Variants in B4GALT6 observed in about 807,000 individuals in gnomAD.
The protein encoded by B4GALT6 is UDP-Gal:beta-GlcNAc beta-1,4-galactosyltransferase 6.
In B4GALT6, 14 loss-of-function variants were observed where a neutral mutation model predicts 46.3. The ratio of observed to expected loss-of-function variants is 0.30; its 90% CI spans 0.20 to 0.47. The LOEUF (loss-of-function observed/expected upper bound fraction) is 0.47, where lower values mean the gene tolerates loss of function less well. Among genes scored for constraint, B4GALT6 ranks in the 20% least tolerant of loss-of-function variants. The pLI is 0.99. For missense variants in B4GALT6, 386 were observed against 480.1 expected (o/e 0.80, Z 1.83); for synonymous variants, 168 against 162.0 (o/e 1.04, Z -0.28).
At chr18:31,665,698 C>T (rs532703701) in intron 2 of B4GALT6, among the ~76,000 whole-genome samples, 10 of 152,190 alleles carry the variant, frequency 6.6e-5, no homozygotes, top group South Asian at 4.2e-4. Context: ...GCCAAGATTG[C>T]GCCACTGCAC....
chr18:31,709,973 T>C, the B4GALT6 span, among the ~76,000 whole-genome samples: 2 of 151,742 alleles, frequency 1.3e-5, no homozygotes, highest in East Asian at 3.9e-4. Context: ...TGCACGCCTG[T>C]AATCCCAGCT....
At chr18:31,721,610 A>G in the B4GALT6 span, among the ~76,000 whole-genome samples, 1 of 152,218 alleles carries the variant, frequency 6.6e-6, no homozygotes, top group African/African-American at 2.4e-5. Flanking sequence ...TACCCTTGAT[A>G]ATGTCGATAG....
chr18:31,683,739 A>T (rs918994479), intron 1 of B4GALT6, among the ~76,000 whole-genome samples: 1 of 152,160 alleles, frequency 6.6e-6, no homozygotes, highest in African/African-American at 2.4e-5. Flanking sequence ...ACCCAAGCAG[A>T]CTAAAATAAT....
At chr18:31,682,567 G>C (rs1278466927) in intron 1 of B4GALT6, among the ~76,000 whole-genome samples, 1 of 152,068 alleles carries the variant, frequency 6.6e-6, no homozygotes, top group Non-Finnish European at 1.5e-5. Flanking sequence ...TTTCACACAA[G>C]TTGAATTAAG....
intron 1 of B4GALT6, among the ~76,000 whole-genome samples, chr18:31,668,507 C>G (rs562197388): frequency 6.6e-6 from 1 of 152,210 alleles, no homozygotes; most frequent in South Asian, 2.1e-4. Context: ...GGGGGAAAAA[C>G]TTATTCACAC....
chr18:31,669,171 T>C (rs908482915), intron 1 of B4GALT6, among the ~76,000 whole-genome samples: 2 of 152,212 alleles, frequency 1.3e-5, no homozygotes, highest in Admixed American at 1.3e-4. Flanking sequence ...TGGAGTATTT[T>C]GTCCCAGAGA....
At chr18:31,690,316 A>T (rs2030066535), upstream of B4GALT6, among the ~76,000 whole-genome samples, 1 of 151,484 alleles carries the variant, frequency 6.6e-6, no homozygotes, top group Non-Finnish European at 1.5e-5. Context: ...TTTTTAGTAG[A>T]GACAGGTTTT....
At chr18:31,670,377 C>T (rs2074336436) in intron 1 of B4GALT6, among the ~76,000 whole-genome samples, 2 of 151,958 alleles carry the variant, frequency 1.3e-5, no homozygotes, top group Admixed American at 1.3e-4. Context: ...TTTTATGGTA[C>T]CTCTAACAAA....
chr18:31,679,020 C>T (rs1018431638), intron 1 of B4GALT6, among the ~76,000 whole-genome samples: 1 of 152,208 alleles, frequency 6.6e-6, no homozygotes, highest in African/African-American at 2.4e-5. Flanking sequence ...TTAGTCCCAA[C>T]CAAATTACAC....
chr18:31,666,996 T>G (rs2144688348), intron 1 of B4GALT6, among the ~76,000 whole-genome samples: 1 of 152,346 alleles, frequency 6.6e-6, no homozygotes, highest in East Asian at 1.9e-4. Context: ...ATGTGTATTT[T>G]TAAAGCAGCT....
chr18:31,680,534 A>G (rs531326986), intron 1 of B4GALT6, among the ~76,000 whole-genome samples: 14 of 152,254 alleles, frequency 9.2e-5, no homozygotes, highest in African/African-American at 3.4e-4. Flanking sequence ...GTCAGACCAA[A>G]GTGGCCCAAC....
chr18:31,671,208 C>A (rs1014577596), intron 1 of B4GALT6, among the ~76,000 whole-genome samples: 1 of 152,106 alleles, frequency 6.6e-6, no homozygotes, highest in African/African-American at 2.4e-5. Flanking sequence ...AATAAACATA[C>A]GTGTGCATGT....
intron 1 of B4GALT6, among the ~76,000 whole-genome samples, chr18:31,684,025 A>T (rs955378328): frequency 1.3e-5 from 2 of 152,240 alleles, no homozygotes; most frequent in Non-Finnish European, 2.9e-5. Context: ...CACTCAAGAA[A>T]GCGACTAGGG....
chr18:31,695,459 G>A, the B4GALT6 span, among the ~76,000 whole-genome samples: 2 of 152,080 alleles, frequency 1.3e-5, no homozygotes, highest in African/African-American at 4.8e-5. Flanking sequence ...TGGAACCCCC[G>A]AGAGGCAAAA....
the B4GALT6 span, among the ~76,000 whole-genome samples, chr18:31,712,287 A>ATTTTTTTTTTTTTTTTTTTTT: frequency 2.4e-5 from 2 of 84,642 alleles, no homozygotes; most frequent in Non-Finnish European, 4.2e-5. Context: ...CTGGGACGTT[A>ATTTTTTTTTTTTTTTTTTTTT]TTTTTTTTTT....
intron 5 of B4GALT6, among the ~76,000 whole-genome samples, chr18:31,636,455 C>A (rs1006358378): frequency 6.6e-6 from 1 of 152,110 alleles, no homozygotes; most frequent in South Asian, 2.1e-4. Context: ...AGAAAAAGAT[C>A]TGAACAGAAA....
At chr18:31,667,925 T>C (rs892492955) in intron 1 of B4GALT6, among the ~76,000 whole-genome samples, 4 of 151,760 alleles carry the variant, frequency 2.6e-5, no homozygotes, top group African/African-American at 9.7e-5. Flanking sequence ...TGAAACCCCA[T>C]CTCTACTAAA....
the B4GALT6 span, among the ~76,000 whole-genome samples, chr18:31,714,363 G>A: frequency 6.6e-6 from 1 of 152,106 alleles, no homozygotes. Flanking sequence ...TAAAGTTACT[G>A]CTCCCCCAGG....
intron 2 of B4GALT6, among the ~76,000 whole-genome samples, chr18:31,665,785 C>T (rs1428785389): frequency 6.6e-6 from 1 of 151,994 alleles, no homozygotes; most frequent in Non-Finnish European, 1.5e-5. Context: ...TACCAATTTC[C>T]AATTTTATAA....
Sources: allele counts gnomAD v4.1 joint callset (sites outside exome capture counted in the v4.1 genomes callset), GRCh38; gene constraint gnomAD v4.1.1; transcripts MANE v1.5; gene names NCBI Gene and HGNC (gene_info 2026-07-23, HGNC 2026-07-21).